RAPGEF4: variants seen among roughly 807,000 people sequenced by gnomAD.
RAPGEF4 encodes the protein Rap guanine nucleotide exchange factor 4, also known as RAP guanine-nucleotide-exchange factor (GEF) 4.
Under a neutral mutation model 147.9 loss-of-function variants are expected in RAPGEF4, and 66 were observed. That is an observed-to-expected ratio of 0.45 (90% CI 0.37 to 0.55). The LOEUF (loss-of-function observed/expected upper bound fraction) is 0.55, where lower values mean the gene tolerates loss of function less well. RAPGEF4 is among the 20% of genes least tolerant of loss of function. RAPGEF4 has a pLI of 0.00. For synonymous variants in RAPGEF4, 419 were observed against 442.7 expected (o/e 0.95, Z 0.67); for missense variants, 1,071 against 1,257.3 (o/e 0.85, Z 2.24).
At chr2:172,737,768 A>T (rs1238621353) in intron 1 of RAPGEF4, among the ~76,000 whole-genome samples, 2 of 146,010 alleles carry the variant, frequency 1.4e-5, no homozygotes, top group African/African-American at 2.4e-5. Context: ...AGATGAGTGG[A>T]TAGATCAATA....
chr2:172,801,774 A>G (rs1016671771), intron 3 of RAPGEF4, among the ~76,000 whole-genome samples: 5 of 152,136 alleles, frequency 3.3e-5, no homozygotes, highest in African/African-American at 1.2e-4. Flanking sequence ...TGGGGAGCTG[A>G]GCCAGCCATT....
intron 4 of RAPGEF4, among the ~76,000 whole-genome samples, chr2:172,857,169 C>T (rs1052358051): frequency 1.2e-4 from 14 of 117,004 alleles, no homozygotes; most frequent in South Asian, 5.0e-4. Flanking sequence ...CGCGCGTGTG[C>T]GCGCGCACAC....
At chr2:172,874,923 T>C (rs1479397835) in intron 4 of RAPGEF4, among the ~76,000 whole-genome samples, 2 of 152,260 alleles carry the variant, frequency 1.3e-5, no homozygotes, top group Admixed American at 6.5e-5. Context: ...TTCCTAACTT[T>C]TTAATGATCG....
chr2:173,020,570 A>T (rs1695987374), intron 22 of RAPGEF4, 48 bp from the exon 23 acceptor site: 1 of 1,471,808 alleles, frequency 6.8e-7, no homozygotes. Context: ...CAGTGCAGCA[A>T]ATCTCAGATG....
At chr2:172,899,695 A>G (rs946175626) in intron 4 of RAPGEF4, among the ~76,000 whole-genome samples, 1 of 152,106 alleles carries the variant, frequency 6.6e-6, no homozygotes, top group Non-Finnish European at 1.5e-5. Context: ...TGCAGAAGAG[A>G]TTTAGCAACA....
At chr2:172,815,481 T>C (rs1688413400) in intron 4 of RAPGEF4, among the ~76,000 whole-genome samples, 1 of 152,236 alleles carries the variant, frequency 6.6e-6, no homozygotes, top group African/African-American at 2.4e-5. Flanking sequence ...GCTCCAACCG[T>C]TCTGTAAAGT....
At chr2:172,908,211 A>T (rs1047622950) in intron 4 of RAPGEF4, among the ~76,000 whole-genome samples, 6 of 152,234 alleles carry the variant, frequency 3.9e-5, no homozygotes, top group Non-Finnish European at 7.3e-5. Flanking sequence ...TTTAAAATTT[A>T]TGCAAATTTA....
At chr2:172,860,146 C>T (rs1693864128) in intron 4 of RAPGEF4, 1 of 985,408 alleles carries the variant, frequency 1.0e-6, no homozygotes, top group South Asian at 4.7e-5. Flanking sequence ...TAAATCAGTC[C>T]AGCTCTCATA....
At chr2:172,736,170 CG>C in intron 1 of RAPGEF4, 122 bp downstream of exon 1, 1 of 683,012 alleles carries the variant, frequency 1.5e-6, no homozygotes. Flanking sequence ...GGTCCCCGAG[CG>C]GGGGAAGGGG....
At chr2:172,750,550 T>C (rs1302228510) in intron 1 of RAPGEF4, among the ~76,000 whole-genome samples, 1 of 152,124 alleles carries the variant, frequency 6.6e-6, no homozygotes, top group Non-Finnish European at 1.5e-5. Context: ...GGAGCTACAA[T>C]TCAAGATGAG....
At chr2:172,960,089 T>A (rs751045826) in intron 6 of RAPGEF4, among the ~76,000 whole-genome samples, 2 of 152,098 alleles carry the variant, frequency 1.3e-5, no homozygotes, top group Non-Finnish European at 2.9e-5. Flanking sequence ...CAAGACCCCA[T>A]CTATTTAAAA....
At chr2:172,908,736 G>A (rs1175100829) in intron 4 of RAPGEF4, among the ~76,000 whole-genome samples, 1 of 152,170 alleles carries the variant, frequency 6.6e-6, no homozygotes, top group Non-Finnish European at 1.5e-5. Flanking sequence ...TGGGGCTGAA[G>A]GCCATGCTTG....
chr2:172,942,061 T>G (rs1485541247), intron 6 of RAPGEF4, among the ~76,000 whole-genome samples: 1 of 151,890 alleles, frequency 6.6e-6, no homozygotes, highest in African/African-American at 2.4e-5. Flanking sequence ...CGGAGTATGA[T>G]GTGATATTTT....
chr2:172,810,261 C>T (rs572461164), intron 3 of RAPGEF4, among the ~76,000 whole-genome samples: 15 of 152,328 alleles, frequency 9.8e-5, no homozygotes, highest in South Asian at 8.3e-4. Context: ...AATAGTACTA[C>T]TGATATTGCT....
rs1688334150 is a variant in RAPGEF4, at chr2:172,814,664, A to G, written c.444+239A>G. ...TTTTCTGTAGTTTGACATACCTTAT[A>G]ATTATTTCTTGAATGACCATAGAGT... On this transcript the variant is annotated intron_variant, in intron 4 of 30. Coordinates refer to ENST00000397081, the MANE Select transcript of RAPGEF4 (RefSeq NM_007023.4). 9.8e-6 allele frequency: 5 copies of G among 511,738 alleles called. No homozygotes were observed. The Middle Eastern group carries it at 1.6e-3, about 164-fold the overall frequency. The allele number at this position is 511,738 out of a possible 1,614,324, so 31.7% of individuals were successfully genotyped here.
intron 6 of RAPGEF4, among the ~76,000 whole-genome samples, chr2:172,948,415 A>C (rs980141053): frequency 3.3e-5 from 5 of 152,182 alleles, no homozygotes; most frequent in Admixed American, 1.3e-4. Flanking sequence ...GAAGTGTCCC[A>C]AAAACAGTCA....
In RAPGEF4 at chr2:172,906,680, C is replaced by A. The variant is rs142472101; in HGVS notation, c.445-11122C>A. Among the ~76,000 whole-genome samples, 225 of 152,264 alleles carry A rather than the reference C, an allele frequency of 1.5e-3. 1 individual carries two copies. The highest frequency in any genetic ancestry group is 0.01 in the Middle Eastern group (3 of 294). On this transcript the variant is annotated intron_variant, in intron 4 of 30. Coordinates refer to ENST00000397081, the MANE Select transcript of RAPGEF4 (RefSeq NM_007023.4). Reference sequence around the variant, plus strand: ...CACTCTGGCCTGCCTGGTGGAGGCTCCTCCTTGGCAGTGGACAGCAGCTTG... The same window carrying A: ...CACTCTGGCCTGCCTGGTGGAGGCTACTCCTTGGCAGTGGACAGCAGCTTG...
At chr2:172,925,127 C>T (rs965242305) in intron 6 of RAPGEF4, among the ~76,000 whole-genome samples, 14 of 152,098 alleles carry the variant, frequency 9.2e-5, no homozygotes, top group African/African-American at 3.1e-4. Flanking sequence ...CTACAGGCAC[C>T]CACCACCATG....
intron 4 of RAPGEF4, among the ~76,000 whole-genome samples, chr2:172,914,608 AAGAGAAAGAG>A (rs1280885424): frequency 6.7e-6 from 1 of 150,072 alleles, no homozygotes; most frequent in Non-Finnish European, 1.5e-5. Flanking sequence ...AGAGGAAGAA[AAGAGAAAGAG>A]AGAGAAAGAG....
Sources: gnomAD v4.1 joint callset for allele counts (sites outside exome capture counted in the v4.1 genomes callset) on GRCh38, gnomAD v4.1.1 for gene constraint, MANE v1.5 for transcripts, NCBI Gene and HGNC (gene_info 2026-07-23, HGNC 2026-07-21) for gene names.